The following MRPL48 variants were observed in gnomAD, a reference collection of about 807,000 sequenced individuals.
MRPL48 encodes large ribosomal subunit protein mL48.
A neutral mutation model predicts 32.9 loss-of-function variants in MRPL48; 16 were observed. That is an observed-to-expected ratio of 0.49 (90% CI 0.33 to 0.74). The LOEUF (loss-of-function observed/expected upper bound fraction) is 0.74, where lower values mean the gene tolerates loss of function less well. MRPL48 is among the 30% of genes least tolerant of loss of function. The probability of loss-of-function intolerance (pLI) is 0.02; values close to 1 mark genes in which losing one functional copy is unlikely to be tolerated. For missense variants in MRPL48, 206 were observed against 245.3 expected (o/e 0.84, Z 1.07); for synonymous variants, 94 against 89.2 (o/e 1.05, Z -0.31).
chr11:73,848,232 T>C (rs1461213125), intron 5 of MRPL48, among the ~76,000 whole-genome samples: 1 of 152,126 alleles, frequency 6.6e-6, no homozygotes, highest in Admixed American at 6.5e-5. Context: ...GTTGGAAAGA[T>C]TTTCTTTCTC....
At chr11:73,855,544 G>C (rs1380207714) in intron 5 of MRPL48, among the ~76,000 whole-genome samples, 1 of 152,168 alleles carries the variant, frequency 6.6e-6, no homozygotes, top group Admixed American at 6.5e-5. Context: ...CTGGAGTGCA[G>C]TGGTGCGATC....
At chr11:73,816,085 G>A (rs930023800) in intron 3 of MRPL48, among the ~76,000 whole-genome samples, 3 of 150,310 alleles carry the variant, frequency 2.0e-5, no homozygotes, top group African/African-American at 7.4e-5. Context: ...TATTTGAGAG[G>A]GAGTCTTGCT....
chr11:73,797,622 C>T (rs935466532), intron 1 of MRPL48, among the ~76,000 whole-genome samples: 7 of 152,232 alleles, frequency 4.6e-5, no homozygotes, highest in South Asian at 2.1e-4. Flanking sequence ...TGCAGCTGCC[C>T]GCCCTGCTGC....
chr11:73,809,426 C>A (rs1947527747), intron 3 of MRPL48, among the ~76,000 whole-genome samples: 1 of 151,536 alleles, frequency 6.6e-6, no homozygotes, highest in South Asian at 2.1e-4. Context: ...ATTGTTTGAA[C>A]CCCGGAGGCA....
intron 1 of MRPL48, among the ~76,000 whole-genome samples, chr11:73,794,747 CTT>C (rs1356375156): frequency 2.1e-4 from 28 of 134,810 alleles, no homozygotes; most frequent in Admixed American, 2.2e-4. Flanking sequence ...TACTTCTTTT[CTT>C]TTTTTTTTTT....
intron 4 of MRPL48, among the ~76,000 whole-genome samples, chr11:73,830,861 CT>C (rs35570574): frequency 0.056 from 8,310 of 148,702 alleles, 253 homozygotes; most frequent in Middle Eastern, 0.1. Context: ...TTCTTTCTTT[CT>C]TTTTTTTTTG....
chr11:73,824,131 G>A lies in MRPL48; in HGVS notation c.113-1577G>A, dbSNP rs139432476. Among the ~76,000 whole-genome samples, 781 of 152,054 alleles carry A rather than the reference G, an allele frequency of 5.1e-3. 8 individuals are homozygous for A. The highest frequency in any genetic ancestry group is 0.018 in the African/African-American group (742 of 41,500). On this transcript the variant is annotated intron_variant, in intron 3 of 7. Transcript: ENST00000310614. Reference sequence around the variant, plus strand: ...GGCCTCCCAAAGTGCTGGGATTACAGCCATGAGCCACCGCACCTGGCCAAG... The same window carrying A: ...GGCCTCCCAAAGTGCTGGGATTACAACCATGAGCCACCGCACCTGGCCAAG...
intron 4 of MRPL48, among the ~76,000 whole-genome samples, chr11:73,830,838 T>C (rs528478303): frequency 2.6e-5 from 4 of 151,850 alleles, no homozygotes; most frequent in Admixed American, 2.6e-4. Flanking sequence ...ACTGTTTTTA[T>C]CTCTTTCTTT....
intron 5 of MRPL48, among the ~76,000 whole-genome samples, chr11:73,847,186 C>T (rs34840689): frequency 0.057 from 8,695 of 152,076 alleles, 274 homozygotes; most frequent in Middle Eastern, 0.11. Context: ...ATGAGACTTC[C>T]GGCAACTCTT....
chr11:73,793,661 A>G (rs914784815), intron 1 of MRPL48, among the ~76,000 whole-genome samples: 2 of 152,070 alleles, frequency 1.3e-5, no homozygotes, highest in Non-Finnish European at 1.5e-5. Flanking sequence ...GAGGGAGAGA[A>G]GCACTGGGGT....
intron 3 of MRPL48, 89 bp downstream of exon 3, chr11:73,808,439 A>G (rs1741442191): frequency 1.5e-6 from 2 of 1,355,818 alleles, no homozygotes; most frequent in East Asian, 2.5e-5. Context: ...AGCCTACCAT[A>G]TCTTTGAGAA....
intron 4 of MRPL48, among the ~76,000 whole-genome samples, chr11:73,827,213 G>A (rs1670538): frequency 0.081 from 12,251 of 151,670 alleles, 680 homozygotes; most frequent in African/African-American, 0.16. Flanking sequence ...CAGGAACCCC[G>A]TCTCTACTAA....
chr11:73,836,491 G>T (rs1948107091), intron 4 of MRPL48, among the ~76,000 whole-genome samples: 1 of 152,102 alleles, frequency 6.6e-6, no homozygotes, highest in African/African-American at 2.4e-5. Flanking sequence ...GAGCCACCGT[G>T]CCCTTCCAAA....
chr11:73,795,324 A>G (rs1947235389), intron 1 of MRPL48, among the ~76,000 whole-genome samples: 1 of 151,536 alleles, frequency 6.6e-6, no homozygotes, highest in Admixed American at 6.6e-5. Flanking sequence ...CCGCCTCCCA[A>G]AGTGCTGGGA....
intron 4 of MRPL48, among the ~76,000 whole-genome samples, chr11:73,832,168 C>T (rs1948008876): frequency 6.6e-6 from 1 of 152,080 alleles, no homozygotes; most frequent in African/African-American, 2.4e-5. Context: ...TTCTCATTTC[C>T]AGGCCTTGGA....
At chr11:73,820,944 G>T (rs1229153077) in intron 3 of MRPL48, among the ~76,000 whole-genome samples, 1 of 151,996 alleles carries the variant, frequency 6.6e-6, no homozygotes, top group Non-Finnish European at 1.5e-5. Context: ...TCTATCTGTT[G>T]TATCACCATA....
intron 3 of MRPL48, among the ~76,000 whole-genome samples, chr11:73,824,211 GT>G (rs1947842822): frequency 6.6e-6 from 1 of 152,046 alleles, no homozygotes; most frequent in Non-Finnish European, 1.5e-5. Flanking sequence ...TACACTTTTG[GT>G]TTTTGTTTTT....
At position 73,864,823 on chromosome 11, in the gene MRPL48, G is replaced by A. The variant is rs368373605; in HGVS notation, c.*453G>A. ...TTTTTTTTTTCCGAAACGGAGTCTCGCTCTGTTGCCCAGGCTGGAGTGCAG... is the reference window on the plus strand; with the variant it reads ...TTTTTTTTTTCCGAAACGGAGTCTCACTCTGTTGCCCAGGCTGGAGTGCAG... On this transcript the variant is annotated 3_prime_UTR_variant, in exon 8 of 8. Transcript: ENST00000310614. 44 of 167,554 alleles carry A rather than the reference G, an allele frequency of 2.6e-4. No individual in the cohort carries two copies. In the South Asian group the frequency reaches 5.1e-3, roughly 19 times the overall value. 10.4% of individuals were successfully genotyped at this position (167,554 alleles called of 1,614,324 possible).
intron 3 of MRPL48, among the ~76,000 whole-genome samples, chr11:73,823,606 A>G (rs1057349564): frequency 1.3e-5 from 2 of 148,534 alleles, no homozygotes; most frequent in East Asian, 4.0e-4. Flanking sequence ...ATCTAGCTAG[A>G]CCTGATCTGA....
Sources: allele counts gnomAD v4.1 joint callset (sites outside exome capture counted in the v4.1 genomes callset), GRCh38; gene constraint gnomAD v4.1.1; transcripts MANE v1.5; gene names NCBI Gene and HGNC (gene_info 2026-07-23, HGNC 2026-07-21).